BAZ1B: variants seen among roughly 807,000 people sequenced by gnomAD.
BAZ1B encodes the protein bromodomain adjacent to zinc finger domain 1B.
A neutral mutation model predicts 153.8 loss-of-function variants in BAZ1B; 22 were observed. The observed-to-expected ratio is 0.14, with a 90% CI of 0.10 to 0.20. The LOEUF (loss-of-function observed/expected upper bound fraction) is 0.20. BAZ1B is among the 10% of genes least tolerant of loss of function. BAZ1B has a pLI of 1.00. For synonymous variants in BAZ1B, 676 were observed against 633.4 expected, an observed-to-expected ratio of 1.07 and a Z score of -1.01; for missense variants, 1,325 against 1,799.3, an observed-to-expected ratio of 0.74 and a Z score of 4.77.
At chr7:73,509,194 T>C (rs1790473499) in intron 2 of BAZ1B, among the ~76,000 whole-genome samples, 1 of 151,416 alleles carries the variant, frequency 6.6e-6, no homozygotes, top group South Asian at 2.1e-4. Context: ...TGGTGGCACA[T>C]GCCTGTAATC....
At position 73,477,898 on chromosome 7, in the gene BAZ1B, A is replaced by C; in HGVS notation, c.1563T>G (p.Leu521=). The C allele has an allele frequency of 6.2e-7, 1 of 1,614,176 alleles. No individual in the cohort carries two copies. The highest frequency in any genetic ancestry group is 8.5e-7 in the Non-Finnish European group (1 of 1,180,044). ...CTAGAAGTTCATAGCGTTTTTGAAC[A>C]AGACTTCGCAATTCTTCTGGGAGAC... ...RARLPEELRS[L]VQKRYELLEH... The change falls in exon 7 of 20, where the codon CTT becomes CTG. Residue 521 remains leucine (L), a synonymous_variant. Transcript: ENST00000339594. The surrounding 1 kb of genome is among the most constrained non-coding windows in gnomAD (Gnocchi z 5.6).
Position 73,477,533 on chromosome 7 carries a change from G to A in BAZ1B, c.1928C>T (p.Ala643Val). Reference protein sequence around the residue: ...TAVSLMEALSADKGGFLYLNR... With the variant: ...TAVSLMEALSVDKGGFLYLNR... ...AAGGTATAAAAAGCCACCCTTATCT[G>A]CACTCAAGGCTTCCATAAGGGACAC... Residue 643 changes from alanine (A) to valine (V), a missense_variant, in exon 7 of 20, where the codon GCA (alanine) becomes GTA (valine). Physicochemically the swap from Ala to Val is moderately conservative, Grantham distance 64. Around this residue, in one of 9 missense-constraint regions of BAZ1B, gnomAD observed 154 missense variants for 266.3 expected, o/e 0.58. Coordinates refer to ENST00000339594, the MANE Select transcript of BAZ1B (RefSeq NM_032408.4). The surrounding 1 kb of genome is among the most constrained non-coding windows in gnomAD (Gnocchi z 5.6). The A allele has an allele frequency of 6.2e-7, 1 of 1,614,152 alleles. No individual in the cohort carries two copies. The highest frequency in any genetic ancestry group is 1.1e-5 in the South Asian group (1 of 91,082).
intron 13 of BAZ1B, among the ~76,000 whole-genome samples, chr7:73,458,194 G>A (rs1788270692): frequency 6.6e-6 from 1 of 152,192 alleles, no homozygotes. Flanking sequence ...ACTCCAAGTA[G>A]AAAGAGTCAG....
intron 7 of BAZ1B, among the ~76,000 whole-genome samples, chr7:73,473,590 T>C (rs1788894152): frequency 6.6e-6 from 1 of 152,148 alleles, no homozygotes; most frequent in African/African-American, 2.4e-5. Flanking sequence ...ACATTACATA[T>C]GTATACTCAG....
chr7:73,517,182 C>CAAA (rs201015912), intron 1 of BAZ1B, among the ~76,000 whole-genome samples: 1 of 147,818 alleles, frequency 6.8e-6, no homozygotes. Flanking sequence ...TAACCCAGCT[C>CAAA]AAAAACAAAA....
chr7:73,504,526 T>C (rs1790257112), intron 3 of BAZ1B, among the ~76,000 whole-genome samples: 1 of 151,952 alleles, frequency 6.6e-6, no homozygotes, highest in Non-Finnish European at 1.5e-5. Flanking sequence ...TAGCGAGGCA[T>C]GGTGGCAGGT....
intron 5 of BAZ1B, among the ~76,000 whole-genome samples, 181 bp downstream of exon 5, chr7:73,492,619 A>G (rs1009513726): frequency 1.8e-4 from 27 of 152,226 alleles, no homozygotes; most frequent in African/African-American, 6.5e-4. Context: ...GGTATCTTCT[A>G]GGAAAGAAAA....
At chr7:73,491,113 C>T (rs1181001409) in intron 5 of BAZ1B, among the ~76,000 whole-genome samples, 1 of 151,852 alleles carries the variant, frequency 6.6e-6, no homozygotes, top group Middle Eastern at 3.4e-3. Flanking sequence ...TAGTGAAATC[C>T]CGTATCTACT....
At chr7:73,465,175 C>T (rs966417286) in intron 11 of BAZ1B, among the ~76,000 whole-genome samples, 3 of 152,188 alleles carry the variant, frequency 2.0e-5, no homozygotes, top group Non-Finnish European at 2.9e-5. Flanking sequence ...AGCTGTCTGA[C>T]AACCATGAGG....
At chr7:73,497,563 CCTAA>C (rs1223044497) in intron 4 of BAZ1B, among the ~76,000 whole-genome samples, 16 of 152,160 alleles carry the variant, frequency 1.1e-4, no homozygotes, top group South Asian at 4.2e-4. Flanking sequence ...TTATGACATA[CCTAA>C]CTCTTTGTTC....
intron 3 of BAZ1B, among the ~76,000 whole-genome samples, chr7:73,503,111 T>A (rs150716836): frequency 1.8e-4 from 27 of 152,290 alleles, no homozygotes; most frequent in Middle Eastern, 3.4e-3. Context: ...GGGTAAATAC[T>A]CAAGCAAAAA....
At chr7:73,521,450 T>A (rs1412195638) in intron 1 of BAZ1B, among the ~76,000 whole-genome samples, 1 of 152,076 alleles carries the variant, frequency 6.6e-6, no homozygotes, top group Non-Finnish European at 1.5e-5. Context: ...TTTGTAAAAA[T>A]TAAAGGAGAA....
At chr7:73,462,836 T>C (rs2074755) in intron 12 of BAZ1B, 86 bp downstream of exon 12, 159,381 of 1,412,314 alleles carry the variant, frequency 0.11, 9,726 homozygotes, top group Middle Eastern at 0.15. Flanking sequence ...AGGAGGGTCA[T>C]GTTGGGAAGT....
rs1791070662 is a variant in BAZ1B, at chr7:73,521,919, C to G, written c.15G>C (p.Leu5=). 1 of 1,472,974 alleles carries G rather than the reference C, an allele frequency of 6.8e-7. No homozygotes were observed. The highest frequency in any genetic ancestry group is 2.3e-5 in the Admixed American group (1 of 43,768). 91.2% of individuals were successfully genotyped at this position (1,472,974 alleles called of 1,614,324 possible). Residue 5 remains leucine (L), a synonymous_variant, in exon 1 of 20, where the codon CTG becomes CTC. Coordinates refer to ENST00000339594, the MANE Select transcript of BAZ1B (RefSeq NM_032408.4). MAPL[L]GRKPFPLVKP... The stretch of plus-strand genomic sequence containing the variant: ...TCACCAGCGGGAAGGGCTTGCGGCC[C>G]AGGAGCGGCGCCATCGCGGCGGCGG...
chr7:73,493,901 T>C (rs1789762947), intron 4 of BAZ1B, among the ~76,000 whole-genome samples: 2 of 150,248 alleles, frequency 1.3e-5, no homozygotes, highest in South Asian at 2.1e-4. Flanking sequence ...AGATTGCAGA[T>C]TGCAAGCAAT....
rs532921542 is a variant in BAZ1B, at chr7:73,451,315, A to C, written c.3433-321T>G. Among the ~76,000 whole-genome samples, 6 of 152,316 alleles carry C rather than the reference A, an allele frequency of 3.9e-5. No individual in the cohort carries two copies. In the South Asian group the frequency reaches 1.2e-3, roughly 32 times the overall value. On this transcript the variant is annotated intron_variant, in intron 13 of 19. Coordinates refer to ENST00000339594, the MANE Select transcript of BAZ1B (RefSeq NM_032408.4). Reference sequence around the variant, plus strand: ...TGCAACAATTTTAGACAGCTAATAAAACTCCGATTTAAAAGATAATCAATA... The same window carrying C: ...TGCAACAATTTTAGACAGCTAATAACACTCCGATTTAAAAGATAATCAATA...
In BAZ1B at chr7:73,522,208, G is replaced by T. The variant is rs1286975527; in HGVS notation, c.-275C>A. 5.1e-6 allele frequency: 2 copies of T among 390,464 alleles called. No homozygotes were observed. The highest frequency in any genetic ancestry group is 1.3e-4 in the South Asian group (1 of 7,698). 24.2% of individuals were successfully genotyped at this position (390,464 alleles called of 1,614,324 possible). On this transcript the variant is annotated 5_prime_UTR_variant, in exon 1 of 20. Coordinates refer to ENST00000339594, the MANE Select transcript of BAZ1B (RefSeq NM_032408.4). ...TCGGGTCCCGGCGGCCGGCAGTCAC[G>T]ACTCCTCCTCAGCAGCACCGGAGGA...
At chr7:73,517,771 G>C (rs1554579579) in intron 1 of BAZ1B, among the ~76,000 whole-genome samples, 2 of 152,124 alleles carry the variant, frequency 1.3e-5, no homozygotes, top group African/African-American at 4.8e-5. Context: ...AGATATTTTC[G>C]AATCCTAGAC....
intron 7 of BAZ1B, among the ~76,000 whole-genome samples, chr7:73,476,662 C>G (rs1259209812): frequency 4.6e-5 from 7 of 152,130 alleles, no homozygotes; most frequent in Non-Finnish European, 1.0e-4. Flanking sequence ...AACTTATTAA[C>G]TAATCAGAAT....
Sources: allele counts gnomAD v4.1 joint callset (sites outside exome capture counted in the v4.1 genomes callset), GRCh38; gene constraint gnomAD v4.1.1; regional missense constraint gnomAD v4.1.1; non-coding constraint Gnocchi (gnomAD v3.1); transcripts MANE v1.5; gene names NCBI Gene and HGNC (gene_info 2026-07-23, HGNC 2026-07-21).